Variants in CCDC88A observed in about 807,000 individuals in gnomAD.
The protein encoded by CCDC88A is girdin.
In CCDC88A, 54 loss-of-function variants were observed where a neutral mutation model predicts 234.3. The observed-to-expected ratio is 0.23, with a 90% CI of 0.19 to 0.29. The LOEUF is 0.29. CCDC88A is among the 10% of genes least tolerant of loss of function. CCDC88A has a pLI of 1.00. For synonymous variants in CCDC88A, 753 were observed against 737.8 expected (o/e 1.02, Z -0.33); for missense variants, 1,832 against 2,123.4 (o/e 0.86, Z 2.70).
intron 12 of CCDC88A, chr2:55,339,884 T>G (rs750245077): frequency 2.7e-4 from 95 of 347,516 alleles, no homozygotes; most frequent in Non-Finnish European, 4.4e-4. Context: ...CAGGCTGGAG[T>G]GCAGTGATGT....
chr2:55,318,947 T>C lies in CCDC88A; in HGVS notation c.3220A>G (p.Thr1074Ala). ...TGAGCCTGCAAATTATTGTTCTGTG[T>C]CTCAAGTTGCTTCAGTTGAGTTTTC... is the stretch of plus-strand genomic sequence containing the variant. The part of the protein sequence containing the change: ...ALKTQLKQLE[T>A]QNNNLQAQIL... The change falls in exon 19 of 33, where the codon ACA becomes GCA. Residue 1074 changes from threonine (T) to alanine (A), a missense_variant. Transcript: ENST00000436346. The C allele has an allele frequency of 5.6e-6, 9 of 1,613,572 alleles. No homozygotes were observed. Among genetic ancestry groups the C allele is most frequent in the Non-Finnish European group, 7.6e-6 (9 of 1,179,674 alleles).
At chr2:55,316,788 T>G (rs1167447547) in intron 21 of CCDC88A, 2 of 152,308 alleles carry the variant, frequency 1.3e-5, no homozygotes, top group African/African-American at 2.4e-5. Context: ...CAGACTGGAG[T>G]GCAGTGGCGC....
chr2:55,321,661 A>G (rs1043273380), intron 18 of CCDC88A, among the ~76,000 whole-genome samples: 2 of 152,198 alleles, frequency 1.3e-5, no homozygotes, highest in African/African-American at 4.8e-5. Flanking sequence ...TGAAATACAT[A>G]TACATCTGCT....
At chr2:55,394,814 TAAA>T (rs70954115) in intron 2 of CCDC88A, among the ~76,000 whole-genome samples, 165 of 150,218 alleles carry the variant, frequency 1.1e-3, no homozygotes, top group African/African-American at 3.7e-3. Flanking sequence ...ATAATAATAA[TAAA>T]AAAAAAAAGA....
At chr2:55,356,434 T>C (rs1248572536) in intron 7 of CCDC88A, 3 of 140,842 alleles carry the variant, frequency 2.1e-5, no homozygotes, top group African/African-American at 9.6e-5. Flanking sequence ...GTCTTTACTA[T>C]TTTTCCCTTC....
rs1471101439 is a variant in CCDC88A, at chr2:55,296,399, G to C, written c.4950C>G (p.Thr1650=). 1 of 1,614,040 alleles carries C rather than the reference G, an allele frequency of 6.2e-7. No homozygotes were observed. Among genetic ancestry groups the C allele is most frequent in the Non-Finnish European group, 8.5e-7 (1 of 1,180,032 alleles). Residue 1650 remains threonine (T), a synonymous_variant, in exon 30 of 33, where the codon ACC becomes ACG. Coordinates refer to ENST00000436346, the MANE Select transcript of CCDC88A (RefSeq NM_001365480.1). ...SSPIQYLKRQ[T]RSSPVLQHKI... ...TGTGCTGGAGCACTGGGCTTGATCT[G>C]GTCTGTCTTTTCAAGTACTGGATTG...
At chr2:55,312,655 A>G in intron 22 of CCDC88A, 76 bp from the exon 23 acceptor site, 2 of 1,046,166 alleles carry the variant, frequency 1.9e-6, no homozygotes, top group East Asian at 5.0e-5. Context: ...ATGAAGTACT[A>G]CACAAAGATT....
In CCDC88A at chr2:55,317,288, C is replaced by T. The variant is rs1429249867; in HGVS notation, c.3664G>A (p.Glu1222Lys). The change falls in exon 21 of 33, where the codon GAA (glutamate) becomes AAA (lysine). Residue 1222 changes from glutamate (E) to lysine (K), a missense_variant. By Grantham distance (56) the Glu-to-Lys change is moderately conservative. This residue lies in a region of CCDC88A where 1,282 missense variants were observed against 1,543.6 expected (regional missense o/e 0.83). Coordinates refer to ENST00000436346, the MANE Select transcript of CCDC88A (RefSeq NM_001365480.1). The surrounding 1 kb of genome is among the most constrained non-coding windows in gnomAD (Gnocchi z 4.2). ...TTTTCAAGCAGCATTTTTTCCTGTT[C>T]TACTTTGAGCATTTTTTCCAAATCT... ...LEDLEKMLKV[E>K]QEKMLLENKN... 2.0e-5 allele frequency: 31 copies of T among 1,550,342 alleles called. No homozygotes were observed. Among genetic ancestry groups the T allele is most frequent in the Non-Finnish European group, 2.5e-5 (29 of 1,144,208 alleles).
chr2:55,314,904 C>A (rs905535375), intron 22 of CCDC88A: 5 of 152,162 alleles, frequency 3.3e-5, no homozygotes, highest in Admixed American at 2.0e-4. Context: ...TTTTCCACCT[C>A]CACTAAATCA....
At position 55,339,515 on chromosome 2, in the gene CCDC88A, A is replaced by G. The variant is rs1420502877; in HGVS notation, c.1467T>C (p.Asn489=). The G allele has an allele frequency of 6.2e-7, 1 of 1,604,100 alleles. No individual in the cohort carries two copies. Among genetic ancestry groups the G allele is most frequent in the African/African-American group, 1.3e-5 (1 of 74,394 alleles). Residue 489 remains asparagine (N), a synonymous_variant, in exon 13 of 33, where the codon AAT becomes AAC. Coordinates refer to ENST00000436346, the MANE Select transcript of CCDC88A (RefSeq NM_001365480.1). The stretch of plus-strand genomic sequence containing the variant: ...TTTCCATTTTCAGGATTTTGGAAGC[A>G]TTGCCTTCTACAGAATCCACAGTAG... ...LRTTVDSVEG[N]ASKILKMEKE...
intron 17 of CCDC88A, among the ~76,000 whole-genome samples, chr2:55,327,865 G>A (rs1283910048): frequency 6.6e-6 from 1 of 152,190 alleles, no homozygotes; most frequent in African/African-American, 2.4e-5. Flanking sequence ...TCAAATTTAT[G>A]AGATCAGGTG....
chr2:55,401,259 T>C (rs893738613), intron 2 of CCDC88A, among the ~76,000 whole-genome samples: 1 of 150,744 alleles, frequency 6.6e-6, no homozygotes, highest in Non-Finnish European at 1.5e-5. Context: ...GCAAGACTCC[T>C]TGTCTACAAA....
Position 55,295,963 on chromosome 2 carries a change from A to G in CCDC88A, c.5185T>C (p.Cys1729Arg). Residue 1729 changes from cysteine (C) to arginine (R), a missense_variant, in exon 31 of 33, where the codon TGT (cysteine) becomes CGT (arginine). By Grantham distance (180) the Cys-to-Arg change is radical. Transcript: ENST00000436346. ...DFLGKDKPVS[C>R]GLARSVSGKT... is the part of the protein sequence containing the mutation. Reference sequence around the variant, plus strand: ...CCACTTACTGACCTGGCCAGACCACAGCTAACTGGTTTGTCTTTTCCCAAA... The same window carrying G: ...CCACTTACTGACCTGGCCAGACCACGGCTAACTGGTTTGTCTTTTCCCAAA... 1 of 1,614,018 alleles carries G rather than the reference A, an allele frequency of 6.2e-7. No individual in the cohort carries two copies. Among genetic ancestry groups the G allele is most frequent in the Non-Finnish European group, 8.5e-7 (1 of 1,179,970 alleles).
chr2:55,387,176 CAAAAAAAAAA>C (rs869311337), intron 3 of CCDC88A, among the ~76,000 whole-genome samples: 2 of 69,770 alleles, frequency 2.9e-5, no homozygotes, highest in East Asian at 7.7e-4. Flanking sequence ...GATTCCATCT[CAAAAAAAAAA>C]AAAAAAAAAA....
At chr2:55,375,700 G>T (rs1450344743) in intron 3 of CCDC88A, among the ~76,000 whole-genome samples, 1 of 151,430 alleles carries the variant, frequency 6.6e-6, no homozygotes, top group Non-Finnish European at 1.5e-5. Context: ...GCTAATTTTT[G>T]TATTTTTAGT....
chr2:55,324,079 ATT>A (rs762752988), intron 17 of CCDC88A: 1 of 152,218 alleles, frequency 6.6e-6, no homozygotes, highest in Non-Finnish European at 1.5e-5. Context: ...TTTATGTATC[ATT>A]AATCAAAATC....
chr2:55,305,535 C>A lies in CCDC88A; in HGVS notation c.4388-2383G>T, dbSNP rs1681445878. 2.6e-5 allele frequency among the ~76,000 whole-genome samples: 4 copies of A among 152,020 alleles called. No individual in the cohort carries two copies. In the South Asian group the frequency reaches 8.3e-4, roughly 32 times the overall value. ...GACTTTTGTGCCTCTCTTGTGTATG[C>A]TTATATCTGAATTGACATTTTTTTC... On this transcript the variant is annotated intron_variant, in intron 25 of 32. Transcript: ENST00000436346.
chr2:55,419,101 A>G lies in CCDC88A; in HGVS notation c.-22T>C. ...CCATTTTACAGAGTATGTATTTGAA[A>G]AAAGGAACTACCACAAAAATACGCC... On this transcript the variant is annotated 5_prime_UTR_variant, in exon 1 of 33. Transcript: ENST00000436346. 6.7e-7 allele frequency: 1 copy of G among 1,482,836 alleles called. No individual in the cohort carries two copies. Among genetic ancestry groups the G allele is most frequent in the Non-Finnish European group, 9.4e-7 (1 of 1,063,372 alleles). 91.9% of individuals were successfully genotyped at this position (1,482,836 alleles called of 1,614,324 possible).
intron 2 of CCDC88A, among the ~76,000 whole-genome samples, chr2:55,413,677 G>C (rs1680871317): frequency 6.6e-6 from 1 of 152,122 alleles, no homozygotes; most frequent in Non-Finnish European, 1.5e-5. Context: ...AGTCAATAGA[G>C]TCAAGCAAAG....
Sources: allele counts gnomAD v4.1 joint callset (sites outside exome capture counted in the v4.1 genomes callset), GRCh38; gene constraint gnomAD v4.1.1; regional missense constraint gnomAD v4.1.1; non-coding constraint Gnocchi (gnomAD v3.1); transcripts MANE v1.5; gene names NCBI Gene and HGNC (gene_info 2026-07-23, HGNC 2026-07-21).